NDNF: variants seen among roughly 807,000 people sequenced by gnomAD.
The protein encoded by NDNF is protein NDNF.
NDNF carries 16 observed loss-of-function variants against 42.0 expected under a neutral mutation model. The ratio of observed to expected loss-of-function variants is 0.38; its 90% CI spans 0.26 to 0.58. The LOEUF (loss-of-function observed/expected upper bound fraction) is 0.58. Among genes scored for constraint, NDNF ranks in the 20% least tolerant of loss-of-function variants. The pLI is 0.67. For synonymous variants in NDNF, 248 were observed against 251.7 expected (o/e 0.99, Z 0.14); for missense variants, 616 against 666.2 (o/e 0.92, Z 0.83).
At chr4:121,042,411 G>A (rs1237655019) in intron 2 of NDNF, among the ~76,000 whole-genome samples, 1 of 152,148 alleles carries the variant, frequency 6.6e-6, no homozygotes, top group Non-Finnish European at 1.5e-5. Flanking sequence ...TGGAGAATGG[G>A]AGTGGGGCTG....
intron 3 of NDNF, chr4:121,038,044 T>G (rs189137688): frequency 1.3e-4 from 23 of 170,898 alleles, no homozygotes; most frequent in Admixed American, 8.6e-4. Context: ...ACAATCTGAT[T>G]AAAATACACA....
At chr4:121,058,309 A>G (rs1165484992) in intron 1 of NDNF, among the ~76,000 whole-genome samples, 2 of 152,152 alleles carry the variant, frequency 1.3e-5, no homozygotes, top group African/African-American at 4.8e-5. Flanking sequence ...CCTCAAGGCT[A>G]ATTCTTAGCT....
At chr4:121,055,655 A>G (rs1013991670) in intron 1 of NDNF, among the ~76,000 whole-genome samples, 13 of 152,184 alleles carry the variant, frequency 8.5e-5, no homozygotes, top group African/African-American at 3.1e-4. Flanking sequence ...AATGATGAGA[A>G]ACATAAATGA....
At chr4:121,045,588 T>G in intron 2 of NDNF, 62 bp downstream of exon 2, 2 of 1,395,918 alleles carry the variant, frequency 1.4e-6, no homozygotes, top group Non-Finnish European at 1.0e-6. Flanking sequence ...TAAAGGTTAC[T>G]CTCTTTTTTG....
chr4:121,055,444 G>A (rs1157429127), intron 1 of NDNF, among the ~76,000 whole-genome samples: 3 of 152,136 alleles, frequency 2.0e-5, no homozygotes, highest in African/African-American at 7.2e-5. Flanking sequence ...ATTGATTATA[G>A]GAACGTGCAT....
chr4:121,061,766 G>A (rs1374635083), intron 1 of NDNF, among the ~76,000 whole-genome samples: 1 of 151,896 alleles, frequency 6.6e-6, no homozygotes, highest in Non-Finnish European at 1.5e-5. Context: ...ACAGTTTAAA[G>A]GCTGCCAAAG....
chr4:121,054,840 A>G (rs780173393), intron 1 of NDNF, among the ~76,000 whole-genome samples: 8 of 152,038 alleles, frequency 5.3e-5, no homozygotes, highest in Non-Finnish European at 1.0e-4. Context: ...CCCATTGCCA[A>G]CTTTTTTGAG....
intron 1 of NDNF, among the ~76,000 whole-genome samples, chr4:121,059,581 T>C (rs537520159): frequency 6.6e-6 from 1 of 152,342 alleles, no homozygotes; most frequent in African/African-American, 2.4e-5. Flanking sequence ...GGGAGCCTGG[T>C]ATAATTTTTC....
chr4:121,036,741 T>C lies in NDNF; in HGVS notation c.1230A>G (p.Arg410=), dbSNP rs770609274. Residue 410 remains arginine, a synonymous_variant, in exon 4 of 4, where the codon AGA becomes AGG. Transcript: ENST00000379692. Reference sequence around the variant, plus strand: ...CGAGGTATTTAGCTTTAGGTTTTCCTCTAAGCTGAAACTGCTGAATGCCTT... The same window carrying C: ...CGAGGTATTTAGCTTTAGGTTTTCCCCTAAGCTGAAACTGCTGAATGCCTT... ...NVEGIQQFQL[R]GKPKAKYLVR... is the part of the protein sequence containing the mutation. The C allele has an allele frequency of 6.2e-7, 1 of 1,614,052 alleles. No homozygotes were observed. The highest frequency in any genetic ancestry group is 8.5e-7 in the Non-Finnish European group (1 of 1,180,048).
intron 1 of NDNF, among the ~76,000 whole-genome samples, chr4:121,054,038 C>T (rs1727244857): frequency 6.6e-6 from 1 of 152,210 alleles, no homozygotes; most frequent in Non-Finnish European, 1.5e-5. Flanking sequence ...TATTGAGTCA[C>T]TGCAGTGTGT....
chr4:121,068,478 A>C (rs942532653), intron 1 of NDNF, among the ~76,000 whole-genome samples: 1 of 152,248 alleles, frequency 6.6e-6, no homozygotes, highest in South Asian at 2.1e-4. Context: ...TAGAATAATC[A>C]TTCTAAAATA....
intron 1 of NDNF, among the ~76,000 whole-genome samples, chr4:121,051,449 C>T (rs544453706): frequency 6.6e-6 from 1 of 152,202 alleles, no homozygotes; most frequent in Admixed American, 6.5e-5. Flanking sequence ...CTTTTTCCCA[C>T]AAACCTGTGG....
rs537960153 is a variant in NDNF at position 121,060,285 on chromosome 4, A to G, written c.-2+11708T>C. On this transcript the variant is annotated intron_variant, in intron 1 of 3. Transcript: ENST00000379692. ...AGCCTTGACCTCCCAGGCTCCAGCA[A>G]TCCTCCCACCTCAGCCGCCTAAGTA... is the stretch of plus-strand genomic sequence containing the variant. Among the ~76,000 whole-genome samples, 18 of 152,102 alleles carry G rather than the reference A, an allele frequency of 1.2e-4. No individual in the cohort carries two copies. The South Asian group carries it at 2.1e-3, about 18-fold the overall frequency.
In NDNF at chr4:121,055,008, T is replaced by TC. The variant is rs1553924991; in HGVS notation, c.-1-9171_-1-9170insG. Among the ~76,000 whole-genome samples the TC allele has an allele frequency of 4.6e-4, 70 of 151,868 alleles. 1 individual carries two copies. The South Asian group carries it at 0.014, about 31-fold the overall frequency. On this transcript the variant is annotated intron_variant, in intron 1 of 3. Coordinates refer to ENST00000379692, the MANE Select transcript of NDNF (RefSeq NM_024574.4). ...CCTTACTCAGCTAGGTTTTTTTTTT[T>TC]ATTTTTGTATAGAAGGGATCTTGCC...
chr4:121,042,083 T>C (rs1727008581), intron 2 of NDNF, among the ~76,000 whole-genome samples: 1 of 152,190 alleles, frequency 6.6e-6, no homozygotes. Context: ...TTTCGGGCAC[T>C]TATTGTTACT....
rs753501321 is a variant in NDNF at position 121,037,038 on chromosome 4, G to A, written c.933C>T (p.Tyr311=). ...VSDLKPDTQY[Y]FDVFVVNINS... is the part of the protein sequence containing the mutation. ...TGATGTTGACCACAAATACATCAAA[G>A]TAGTACTGCGTGTCGGGTTTCAGAT... The change falls in exon 4 of 4, where the codon TAC becomes TAT. Residue 311 remains tyrosine, a synonymous_variant. Transcript: ENST00000379692. 9 of 1,613,862 alleles carry A rather than the reference G, an allele frequency of 5.6e-6. No individual in the cohort carries two copies. The highest frequency in any genetic ancestry group is 1.7e-5 in the Admixed American group (1 of 59,994).
chr4:121,039,334 C>A (rs1220828118), intron 3 of NDNF, among the ~76,000 whole-genome samples: 1 of 149,918 alleles, frequency 6.7e-6, no homozygotes, highest in Non-Finnish European at 1.5e-5. Context: ...GGGTGCCATA[C>A]AAACTCTTCT....
chr4:121,041,836 A>G (rs1727003918), intron 2 of NDNF, among the ~76,000 whole-genome samples: 1 of 152,208 alleles, frequency 6.6e-6, no homozygotes, highest in Non-Finnish European at 1.5e-5. Flanking sequence ...AGAAAACCAC[A>G]TCCCATAGAC....
chr4:121,050,479 T>C (rs1727174978), intron 1 of NDNF, among the ~76,000 whole-genome samples: 1 of 152,188 alleles, frequency 6.6e-6, no homozygotes, highest in African/African-American at 2.4e-5. Flanking sequence ...TGGTGGATGA[T>C]GTAGGAAATG....
Sources: allele counts gnomAD v4.1 joint callset (sites outside exome capture counted in the v4.1 genomes callset), GRCh38; gene constraint gnomAD v4.1.1; transcripts MANE v1.5; gene names NCBI Gene and HGNC (gene_info 2026-07-23, HGNC 2026-07-21).